The following DLGAP4 variants were observed in gnomAD, a reference collection of about 807,000 sequenced individuals.
DLGAP4 encodes the protein disks large-associated protein 4.
A neutral mutation model predicts 86.9 loss-of-function variants in DLGAP4; 18 were observed. That is an observed-to-expected ratio of 0.21 (90% CI 0.14 to 0.31). The LOEUF is 0.31. DLGAP4 is among the 10% of genes least tolerant of loss of function. The pLI, the probability that DLGAP4 is intolerant of heterozygous loss-of-function variation, is 1.00. For missense variants in DLGAP4, 1,085 were observed against 1,362.6 expected, an observed-to-expected ratio of 0.80 and a Z score of 3.21; for synonymous variants, 548 against 574.3, an observed-to-expected ratio of 0.95 and a Z score of 0.65.
At position 36,506,755 on chromosome 20, in the gene DLGAP4, G is replaced by A. The variant is rs185672897; in HGVS notation, c.2512+6144G>A. 1.8e-3 allele frequency among the ~76,000 whole-genome samples: 281 copies of A among 152,152 alleles called. 1 individual carries two copies. The highest frequency in any genetic ancestry group is 9.9e-4 in the Non-Finnish European group (67 of 68,000). On this transcript the variant is annotated intron_variant, in intron 10 of 12. Transcript: ENST00000339266. The stretch of plus-strand genomic sequence containing the variant: ...ACACTGTTGTATAACCATCACCACC[G>A]TCCATCTCTAGAACTTGTTTTGTCT...
At chr20:36,406,640 A>G (rs1334265278) in intron 2 of DLGAP4, among the ~76,000 whole-genome samples, 1 of 152,048 alleles carries the variant, frequency 6.6e-6, no homozygotes, top group Non-Finnish European at 1.5e-5. Context: ...AGCTCATAGC[A>G]GTATGTTTGG....
At chr20:36,499,182 G>C (rs1243171920) in intron 8 of DLGAP4, 1 of 1,483,776 alleles carries the variant, frequency 6.7e-7, no homozygotes, top group African/African-American at 1.4e-5. Flanking sequence ...TTGTGTGTGT[G>C]TGTGTGTTTT....
intron 7 of DLGAP4, chr20:36,462,608 T>C (rs1246469790): frequency 1.3e-6 from 2 of 1,593,718 alleles, no homozygotes; most frequent in Non-Finnish European, 1.7e-6. Context: ...ATGTGAGTGG[T>C]GGGGTGTCCG....
At chr20:36,436,911 A>G (rs1216147731) in intron 4 of DLGAP4, among the ~76,000 whole-genome samples, 1 of 151,744 alleles carries the variant, frequency 6.6e-6, no homozygotes, top group Non-Finnish European at 1.5e-5. Flanking sequence ...AGTCCCGCCC[A>G]CTTGTGAGCC....
chr20:36,334,584 A>G (rs1555891922), intron 1 of DLGAP4, among the ~76,000 whole-genome samples: 1 of 152,014 alleles, frequency 6.6e-6, no homozygotes, highest in Non-Finnish European at 1.5e-5. Flanking sequence ...AGGGGAGATG[A>G]AGGTGGCCTG....
intron 2 of DLGAP4, among the ~76,000 whole-genome samples, chr20:36,405,645 C>G (rs1300513262): frequency 6.6e-6 from 1 of 151,974 alleles, no homozygotes; most frequent in Non-Finnish European, 1.5e-5. Flanking sequence ...TGGGCCAGAG[C>G]TGATGGGATC....
At chr20:36,332,841 C>T (rs539522635) in intron 1 of DLGAP4, among the ~76,000 whole-genome samples, 1 of 152,014 alleles carries the variant, frequency 6.6e-6, no homozygotes, top group African/African-American at 2.4e-5. Context: ...CCTTCTGAGC[C>T]ATGACCTCAA....
chr20:36,340,551 C>T (rs995888947), intron 1 of DLGAP4, among the ~76,000 whole-genome samples: 2 of 152,194 alleles, frequency 1.3e-5, no homozygotes, highest in South Asian at 2.1e-4. Flanking sequence ...CAGCCCAGGT[C>T]GGGGGTCTCT....
chr20:36,465,025 T>A (rs1323762094), intron 7 of DLGAP4, among the ~76,000 whole-genome samples: 2 of 152,154 alleles, frequency 1.3e-5, no homozygotes, highest in Non-Finnish European at 2.9e-5. Context: ...AGGATTATGA[T>A]GAGGATTAAA....
intron 7 of DLGAP4, among the ~76,000 whole-genome samples, chr20:36,470,039 G>C (rs778381952): frequency 1.3e-5 from 2 of 152,110 alleles, no homozygotes; most frequent in Non-Finnish European, 2.9e-5. Flanking sequence ...TAGGATAGCA[G>C]GTCTGAAAAG....
chr20:36,372,878 G>T (rs188995651), intron 2 of DLGAP4, among the ~76,000 whole-genome samples: 8 of 152,246 alleles, frequency 5.3e-5, no homozygotes, highest in Admixed American at 5.2e-4. Context: ...CGCATTGTTG[G>T]GGAAAAACAG....
chr20:36,436,420 T>A (rs2033279796), intron 4 of DLGAP4, 70 bp downstream of exon 4: 1 of 1,470,782 alleles, frequency 6.8e-7, no homozygotes, highest in South Asian at 1.4e-5. Flanking sequence ...TCTTGCTCCC[T>A]GGGAGGAGCC....
chr20:36,406,376 T>C (rs1023971660), intron 2 of DLGAP4, among the ~76,000 whole-genome samples: 26 of 133,418 alleles, frequency 1.9e-4, no homozygotes, highest in Non-Finnish European at 3.2e-4. Context: ...CCAACCTGGG[T>C]GACAGAGCGA....
At position 36,354,096 on chromosome 20, in the gene DLGAP4, G is replaced by A. The variant is rs568206693; in HGVS notation, c.-303-12949G>A. Among the ~76,000 whole-genome samples, 328 of 152,290 alleles carry A rather than the reference G, an allele frequency of 2.2e-3. 2 individuals are homozygous for A. Among genetic ancestry groups the A allele is most frequent in the Middle Eastern group, 0.01 (3 of 294 alleles). On this transcript the variant is annotated intron_variant, in intron 1 of 12. Coordinates refer to ENST00000339266, the MANE Select transcript of DLGAP4 (RefSeq NM_001365621.2). ...GGAAGGACAGAGTTCTGTGCCGGCC[G>A]GCCTCCCGCCTCAGGCCACATTCTC...
chr20:36,329,116 G>C (rs1375558081), intron 1 of DLGAP4, among the ~76,000 whole-genome samples: 4 of 152,090 alleles, frequency 2.6e-5, no homozygotes, highest in African/African-American at 9.7e-5. Flanking sequence ...CACCATGTTG[G>C]GCAGGCCGGT....
At chr20:36,328,970 G>A (rs2065242415) in intron 1 of DLGAP4, among the ~76,000 whole-genome samples, 1 of 152,050 alleles carries the variant, frequency 6.6e-6, no homozygotes, top group African/African-American at 2.4e-5. Flanking sequence ...GAGATGGGGT[G>A]TCACCATATT....
intron 7 of DLGAP4, among the ~76,000 whole-genome samples, chr20:36,481,150 C>T (rs975690114): frequency 6.6e-6 from 1 of 152,190 alleles, no homozygotes; most frequent in Non-Finnish European, 1.5e-5. Flanking sequence ...TCAGTTTCCT[C>T]CCTGGCATCC....
intron 10 of DLGAP4, among the ~76,000 whole-genome samples, chr20:36,519,780 G>GGTTT (rs139402656): frequency 5.1e-4 from 78 of 151,934 alleles, no homozygotes; most frequent in South Asian, 2.9e-3. Flanking sequence ...TAGCTTTTGG[G>GGTTT]GTTTGTTTGT....
chr20:36,440,215 C>G (rs2033408703), intron 5 of DLGAP4, among the ~76,000 whole-genome samples: 2 of 152,166 alleles, frequency 1.3e-5, no homozygotes, highest in Non-Finnish European at 2.9e-5. Flanking sequence ...AGTATGAACC[C>G]AGGATAGTCA....
Sources: gnomAD v4.1 joint callset for allele counts (sites outside exome capture counted in the v4.1 genomes callset) on GRCh38, gnomAD v4.1.1 for gene constraint, MANE v1.5 for transcripts, NCBI Gene and HGNC (gene_info 2026-07-23, HGNC 2026-07-21) for gene names.